Variants in CSMD1 observed in about 807,000 individuals in gnomAD.
The protein encoded by CSMD1 is CUB and sushi domain-containing protein 1.
In CSMD1, 213 loss-of-function variants were observed where a neutral mutation model predicts 417.5. The ratio of observed to expected loss-of-function variants is 0.51; its 90% CI spans 0.46 to 0.57. CSMD1 has a LOEUF of 0.57. Ranked by LOEUF, CSMD1 falls within the 20% of genes least tolerant of loss-of-function variation. The pLI is 0.00. For synonymous variants in CSMD1, 2,862 were observed against 1,736.8 expected (o/e 1.65, Z -16.11); for missense variants, 6,923 against 4,529.7 (o/e 1.53, Z -15.17).
chr8:3,959,022 G>A (rs1487229293), intron 5 of CSMD1, among the ~76,000 whole-genome samples: 4 of 152,062 alleles, frequency 2.6e-5, no homozygotes, highest in Non-Finnish European at 5.9e-5. Flanking sequence ...ACTCTGCGGC[G>A]GCTTCTCCAT....
rs972404620 is a variant in CSMD1, at chr8:3,157,876, T to G, written c.5914+21A>C. On this transcript the variant is annotated intron_variant, in intron 39 of 69. Transcript: ENST00000635120. ...TCCCAGTGTGTGCGCAGCAGCAGAGTTACAGAAGGTGCATCCTTACCAATG... is the reference window on the plus strand; with the variant it reads ...TCCCAGTGTGTGCGCAGCAGCAGAGGTACAGAAGGTGCATCCTTACCAATG... 9.7e-6 allele frequency: 15 copies of G among 1,544,868 alleles called. 2 individuals carry two copies. In the Admixed American group the frequency reaches 2.2e-4, roughly 22 times the overall value.
intron 40 of CSMD1, among the ~76,000 whole-genome samples, chr8:3,144,635 T>C (rs1018606443): frequency 6.6e-6 from 1 of 152,032 alleles, no homozygotes. Context: ...CTCTTTAAAT[T>C]TACAACATTT....
intron 25 of CSMD1, among the ~76,000 whole-genome samples, chr8:3,291,471 T>G (rs1027834888): frequency 6.6e-6 from 1 of 152,224 alleles, no homozygotes; most frequent in Non-Finnish European, 1.5e-5. Context: ...TTTTTTTGGT[T>G]GGTAAGCTAT....
chr8:3,208,472 G>C (rs1268988217), intron 30 of CSMD1, among the ~76,000 whole-genome samples: 3 of 152,106 alleles, frequency 2.0e-5, no homozygotes, highest in African/African-American at 7.2e-5. Context: ...TCACCATGTT[G>C]GCTAGGATGG....
intron 64 of CSMD1, among the ~76,000 whole-genome samples, chr8:2,954,844 G>T (rs1802889966): frequency 6.6e-6 from 1 of 152,158 alleles, no homozygotes; most frequent in African/African-American, 2.4e-5. Flanking sequence ...AAGGGCAAGG[G>T]AAACAAAAGT....
At chr8:3,542,512 A>T (rs767496588) in intron 10 of CSMD1, among the ~76,000 whole-genome samples, 1 of 152,206 alleles carries the variant, frequency 6.6e-6, no homozygotes, top group Non-Finnish European at 1.5e-5. Flanking sequence ...CAGTGACTAC[A>T]TCCTGTGTCA....
intron 52 of CSMD1, among the ~76,000 whole-genome samples, chr8:3,001,526 CTAAA>C (rs1414788194): frequency 1.5e-4 from 23 of 152,126 alleles, no homozygotes; most frequent in African/African-American, 4.6e-4. Flanking sequence ...CCATGAGTTC[CTAAA>C]TAATCATCTT....
chr8:4,222,694 C>T (rs1489246485), intron 3 of CSMD1, among the ~76,000 whole-genome samples: 4 of 152,122 alleles, frequency 2.6e-5, no homozygotes, highest in African/African-American at 4.8e-5. Flanking sequence ...TCAGTTATGC[C>T]TCTATCTGGT....
At chr8:3,830,290 G>T (rs2975375) in intron 5 of CSMD1, among the ~76,000 whole-genome samples, 111,542 of 152,108 alleles carry the variant, frequency 0.73, 41,083 homozygotes, top group African/African-American at 0.8. Flanking sequence ...AGAGCATCTG[G>T]CTCTGGGGCA....
Position 3,659,899 on chromosome 8 carries a change from G to T in CSMD1, c.1010-43102C>A, listed in dbSNP as rs58059955. 6.2e-3 allele frequency among the ~76,000 whole-genome samples: 945 copies of T among 152,264 alleles called. 11 individuals carry two copies. Among genetic ancestry groups the T allele is most frequent in the African/African-American group, 0.022 (894 of 41,556 alleles). Reference sequence around the variant, plus strand: ...CCATATAAATCTAAACTATGAAGATGAAATTTCCAAGAAAGAGCATATCTT... The same window carrying T: ...CCATATAAATCTAAACTATGAAGATTAAATTTCCAAGAAAGAGCATATCTT... On this transcript the variant is annotated intron_variant, in intron 7 of 69. Coordinates refer to ENST00000635120, the MANE Select transcript of CSMD1 (RefSeq NM_033225.6).
At chr8:3,110,362 GC>G in intron 42 of CSMD1, 27 bp from the exon 43 acceptor site, 1 of 1,554,292 alleles carries the variant, frequency 6.4e-7, no homozygotes, top group Non-Finnish European at 8.7e-7. Context: ...GAAAAAACAA[GC>G]GCCATACAGC....
At position 3,219,453 on chromosome 8, in the gene CSMD1, G is replaced by T. The variant is rs372741744; in HGVS notation, c.4485-11C>A. ...GGCTCCATGTTGAAACTAAAGAAAA[G>T]AATAGTAATTATGTCATACGGCTAA... On this transcript the variant is annotated splice_polypyrimidine_tract_variant and intron_variant, in intron 28 of 69. Coordinates refer to ENST00000635120, the MANE Select transcript of CSMD1 (RefSeq NM_033225.6). 2.1e-6 allele frequency: 3 copies of T among 1,451,720 alleles called. No homozygotes were observed. Among genetic ancestry groups the T allele is most frequent in the Non-Finnish European group, 2.7e-6 (3 of 1,098,432 alleles). 89.9% of individuals were successfully genotyped at this position (1,451,720 alleles called of 1,614,324 possible).
chr8:3,658,405 T>A (rs1428436652), intron 7 of CSMD1, among the ~76,000 whole-genome samples: 1 of 150,080 alleles, frequency 6.7e-6, no homozygotes. Context: ...ATCTTAAAAG[T>A]AAATGTTAGT....
chr8:3,103,641 T>C (rs1254721395), intron 46 of CSMD1, among the ~76,000 whole-genome samples: 2 of 152,100 alleles, frequency 1.3e-5, no homozygotes, highest in African/African-American at 2.4e-5. Context: ...CAAAACGTCA[T>C]GCAGTGCGTG....
At chr8:4,440,286 C>A (rs532503195) in intron 2 of CSMD1, among the ~76,000 whole-genome samples, 7 of 152,130 alleles carry the variant, frequency 4.6e-5, no homozygotes, top group Non-Finnish European at 1.0e-4. Flanking sequence ...AGCATTGGTA[C>A]TATAACCAGA....
chr8:4,773,975 C>G (rs919478141), intron 1 of CSMD1, among the ~76,000 whole-genome samples: 1 of 152,104 alleles, frequency 6.6e-6, no homozygotes, highest in African/African-American at 2.4e-5. Context: ...GTGGGTGGAT[C>G]GCCTCAGGTC....
intron 7 of CSMD1, among the ~76,000 whole-genome samples, chr8:3,657,580 C>G (rs967467703): frequency 6.6e-6 from 1 of 152,058 alleles, no homozygotes; most frequent in South Asian, 2.1e-4. Flanking sequence ...TCATTCTCAG[C>G]AAACTAACTC....
intron 2 of CSMD1, among the ~76,000 whole-genome samples, chr8:4,588,869 G>C (rs1585294964): frequency 6.6e-6 from 1 of 151,930 alleles, no homozygotes; most frequent in Non-Finnish European, 1.5e-5. Context: ...CCACTGACGC[G>C]AATGTGATGT....
At position 3,181,169 on chromosome 8, in the gene CSMD1, T is replaced by G. The variant is rs750849000; in HGVS notation, c.5666A>C (p.Tyr1889Ser). The change falls in exon 37 of 70, where the codon TAC becomes TCC. Residue 1889 changes from tyrosine (Y) to serine (S), a missense_variant. Physicochemically the swap from Tyr to Ser is moderately radical, Grantham distance 144. Transcript: ENST00000635120. ...ALLNSTSNQL[Y>S]LHFQSDISVA... The stretch of plus-strand genomic sequence containing the variant: ...ACTAATGTCAGACTGGAAATGCAGG[T>G]AGAGTTGGTTGGAAGTACTGTTCAG... The G allele has an allele frequency of 6.2e-7, 1 of 1,613,798 alleles. No individual in the cohort carries two copies. The highest frequency in any genetic ancestry group is 1.3e-5 in the African/African-American group (1 of 75,000).
Sources: gnomAD v4.1 joint callset for allele counts (sites outside exome capture counted in the v4.1 genomes callset) on GRCh38, gnomAD v4.1.1 for gene constraint, MANE v1.5 for transcripts, NCBI Gene and HGNC (gene_info 2026-07-23, HGNC 2026-07-21) for gene names.